KIAA0513: variants seen among roughly 807,000 people sequenced by gnomAD.
KIAA0513 encodes the protein uncharacterized protein KIAA0513.
Under a neutral mutation model 56.5 loss-of-function variants are expected in KIAA0513, and 39 were observed. The ratio of observed to expected loss-of-function variants is 0.69; its 90% CI spans 0.53 to 0.90. The LOEUF is 0.90. KIAA0513 is among the 40% of genes least tolerant of loss of function. The pLI, the probability that KIAA0513 is intolerant of heterozygous loss-of-function variation, is 0.00. For missense variants in KIAA0513, 591 were observed against 535.2 expected (o/e 1.10, Z -1.03); for synonymous variants, 268 against 215.6 (o/e 1.24, Z -2.13).
chr16:85,070,880 A>G (rs3794678), intron 2 of KIAA0513, among the ~76,000 whole-genome samples: 53,362 of 152,076 alleles, frequency 0.35, 10,773 homozygotes, highest in African/African-American at 0.55. Flanking sequence ...GCAGTAGCCC[A>G]TCAGCAATAC....
chr16:85,037,512 A>C (rs1278224837), intron 1 of KIAA0513, among the ~76,000 whole-genome samples: 1 of 152,188 alleles, frequency 6.6e-6, no homozygotes, highest in Admixed American at 6.5e-5. Flanking sequence ...CACAGTGTCC[A>C]TATGTCAATG....
intron 2 of KIAA0513, among the ~76,000 whole-genome samples, chr16:85,067,728 G>T (rs1202411475): frequency 1.3e-5 from 2 of 152,176 alleles, no homozygotes; most frequent in Non-Finnish European, 2.9e-5. Flanking sequence ...GGAGGGACAC[G>T]CTCCGGAGTG....
intron 1 of KIAA0513, among the ~76,000 whole-genome samples, chr16:85,066,444 G>A (rs1009818394): frequency 2.6e-5 from 4 of 152,304 alleles, no homozygotes; most frequent in African/African-American, 7.2e-5. Flanking sequence ...TGCTTTTGAC[G>A]AGAACAGAGC....
intron 1 of KIAA0513, among the ~76,000 whole-genome samples, chr16:85,064,934 G>A (rs576330055): frequency 5.9e-5 from 9 of 151,708 alleles, no homozygotes; most frequent in South Asian, 4.2e-4. Flanking sequence ...ATCCACCCGC[G>A]TCAGCCTCCC....
chr16:85,071,768 T>C lies in KIAA0513; in HGVS notation c.330-15T>C. On this transcript the variant is annotated splice_polypyrimidine_tract_variant and intron_variant, in intron 2 of 12. Transcript: ENST00000683363. ...TTTTTTTTTTTTTTCCTCTGCTCTT[T>C]TTTTTTTTTTTTAGGGAGGACTTGG... is the stretch of plus-strand genomic sequence containing the variant. 2 of 1,460,110 alleles carry C rather than the reference T, an allele frequency of 1.4e-6. No homozygotes were observed. Among genetic ancestry groups the C allele is most frequent in the Non-Finnish European group, 1.8e-6 (2 of 1,082,284 alleles). 90.4% of individuals were successfully genotyped at this position (1,460,110 alleles called of 1,614,324 possible).
At chr16:85,052,214 G>A (rs2073262648) in intron 1 of KIAA0513, among the ~76,000 whole-genome samples, 1 of 152,130 alleles carries the variant, frequency 6.6e-6, no homozygotes, top group South Asian at 2.1e-4. Context: ...CAGCTGCTCA[G>A]GAGGCTGAGG....
rs976331640 is a variant in KIAA0513, at chr16:85,029,980, C to T, written c.-173+2122C>T. On this transcript the variant is annotated intron_variant, in intron 1 of 12. Coordinates refer to ENST00000683363, the MANE Select transcript of KIAA0513 (RefSeq NM_001388359.1). ...TGAAGTGTTTAACCCAACCGTCTGA[C>T]GCTGGATATAGCAGCCCTTACCGCT... is the stretch of plus-strand genomic sequence containing the variant. Among the ~76,000 whole-genome samples the T allele has an allele frequency of 7.2e-5, 11 of 152,148 alleles. 1 individual carries two copies. Among genetic ancestry groups the T allele is most frequent in the Non-Finnish European group, 1.6e-4 (11 of 68,026 alleles).
intron 8 of KIAA0513, chr16:85,079,409 T>A (rs2073709438): frequency 5.2e-6 from 1 of 190,754 alleles, no homozygotes; most frequent in African/African-American, 2.3e-5. Flanking sequence ...TGTCCAGTGA[T>A]GAATGGGTAA....
At position 85,040,881 on chromosome 16, in the gene KIAA0513, A is replaced by G. The variant is rs193239503; in HGVS notation, c.-173+13023A>G. Among the ~76,000 whole-genome samples the G allele has an allele frequency of 1.7e-4, 26 of 152,318 alleles. No homozygotes were observed. The East Asian group carries it at 4.2e-3, about 25-fold the overall frequency. On this transcript the variant is annotated intron_variant, in intron 1 of 12. Transcript: ENST00000683363. ...ACACTTAAAGCAGTCCTTGGAACCT[A>G]TTTAGATACGCTTGAAGCAAAACAG...
chr16:85,086,555 G>C, intron 10 of KIAA0513, 89 bp from the exon 11 acceptor site: 1 of 1,296,824 alleles, frequency 7.7e-7, no homozygotes, highest in Non-Finnish European at 1.1e-6. Context: ...CATGGGTGCC[G>C]CCAGCACCTG....
At chr16:85,071,393 G>T (rs2073571291) in intron 2 of KIAA0513, among the ~76,000 whole-genome samples, 1 of 152,202 alleles carries the variant, frequency 6.6e-6, no homozygotes, top group Non-Finnish European at 1.5e-5. Context: ...GCTGACTTCA[G>T]CATCAAAAAC....
At chr16:85,070,050 A>G (rs1015482717) in intron 2 of KIAA0513, among the ~76,000 whole-genome samples, 1 of 151,806 alleles carries the variant, frequency 6.6e-6, no homozygotes, top group Non-Finnish European at 1.5e-5. Flanking sequence ...ATGTACCCAT[A>G]GTCCCAGCTA....
chr16:85,068,358 A>G (rs2073520989), intron 2 of KIAA0513, among the ~76,000 whole-genome samples: 1 of 146,944 alleles, frequency 6.8e-6, no homozygotes, highest in Non-Finnish European at 1.5e-5. Context: ...TTTGAGACAG[A>G]GTCTGGCTCT....
chr16:85,071,867 A>T lies in KIAA0513; in HGVS notation c.414A>T (p.Arg138=). Residue 138 remains arginine (R), a synonymous_variant, in exon 3 of 13, where the codon CGA becomes CGT. Transcript: ENST00000683363. ...ENGKGREWFA[R]YVSAQRCNSK... Reference sequence around the variant, plus strand: ...GAAAAGGCCGGGAGTGGTTTGCTCGATACGTGAGTGCCCAGGTAAGGGCGA... The same window carrying T: ...GAAAAGGCCGGGAGTGGTTTGCTCGTTACGTGAGTGCCCAGGTAAGGGCGA... The T allele has an allele frequency of 1.2e-6, 2 of 1,609,442 alleles. No individual in the cohort carries two copies. The highest frequency in any genetic ancestry group is 1.7e-6 in the Non-Finnish European group (2 of 1,177,848).
intron 12 of KIAA0513, among the ~76,000 whole-genome samples, chr16:85,087,845 G>A (rs2073827250): frequency 6.6e-6 from 1 of 152,244 alleles, no homozygotes; most frequent in Non-Finnish European, 1.5e-5. Flanking sequence ...GCCAGTGGCT[G>A]CTGGACGACC....
chr16:85,043,339 G>A lies in KIAA0513; in HGVS notation c.-173+15481G>A, dbSNP rs539595656. Among the ~76,000 whole-genome samples the A allele has an allele frequency of 6.4e-4, 96 of 151,146 alleles. 1 individual carries two copies. Among genetic ancestry groups the A allele is most frequent in the Non-Finnish European group, 1.2e-3 (83 of 67,936 alleles). On this transcript the variant is annotated intron_variant, in intron 1 of 12. Coordinates refer to ENST00000683363, the MANE Select transcript of KIAA0513 (RefSeq NM_001388359.1). ...CCAGCCTCCGTCTATGGTGCACACC[G>A]ATGAGGCGTCCTTCTCAAACAGGGC...
At chr16:85,047,934 T>A (rs1367871763) in intron 1 of KIAA0513, among the ~76,000 whole-genome samples, 1 of 152,202 alleles carries the variant, frequency 6.6e-6, no homozygotes, top group Non-Finnish European at 1.5e-5. Context: ...AGCTCCTTTG[T>A]GTGCCTGTCT....
chr16:85,071,542 C>G (rs1282449277), intron 2 of KIAA0513, among the ~76,000 whole-genome samples: 4 of 152,188 alleles, frequency 2.6e-5, no homozygotes, highest in African/African-American at 7.2e-5. Flanking sequence ...GGATGGAACT[C>G]TGGTTCACCA....
At chr16:85,071,728 GGGGATTGAAAA>G (rs1423139292) in intron 2 of KIAA0513, 44 bp from the exon 3 acceptor site, 11 of 1,398,806 alleles carry the variant, frequency 7.9e-6, no homozygotes, top group Non-Finnish European at 1.1e-5. Flanking sequence ...TGTTGCTCCA[GGGGATTGAAAA>G]GGGTTTTTTT....
Sources: gnomAD v4.1 joint callset for allele counts (sites outside exome capture counted in the v4.1 genomes callset) on GRCh38, gnomAD v4.1.1 for gene constraint, MANE v1.5 for transcripts, NCBI Gene and HGNC (gene_info 2026-07-23, HGNC 2026-07-21) for gene names.